Variants in WDR33 observed in about 807,000 individuals in gnomAD.
WDR33 encodes the protein WD repeat domain 33.
A neutral mutation model predicts 164.9 loss-of-function variants in WDR33; 47 were observed. The ratio of observed to expected loss-of-function variants is 0.29; its 90% CI spans 0.23 to 0.36. The LOEUF (loss-of-function observed/expected upper bound fraction) is 0.36. Ranked by LOEUF, WDR33 falls within the 10% of genes least tolerant of loss-of-function variation. WDR33 has a pLI of 1.00. For synonymous variants in WDR33, 505 were observed against 589.0 expected (o/e 0.86, Z 2.06); for missense variants, 1,137 against 1,754.1 (o/e 0.65, Z 6.28).
intron 7 of WDR33, among the ~76,000 whole-genome samples, chr2:127,753,080 C>T (rs1205026913): frequency 5.9e-5 from 9 of 152,164 alleles, no homozygotes; most frequent in Non-Finnish European, 1.2e-4. Flanking sequence ...GCATGTGCCA[C>T]CACGCCCAGC....
At chr2:127,809,892 C>T (rs1689585654) in intron 1 of WDR33, among the ~76,000 whole-genome samples, 1 of 151,634 alleles carries the variant, frequency 6.6e-6, no homozygotes, top group East Asian at 1.9e-4. Flanking sequence ...GTCAAGGAGA[C>T]AAAAAAAGCA....
intron 1 of WDR33, among the ~76,000 whole-genome samples, chr2:127,782,589 A>G (rs1688413172): frequency 1.3e-5 from 2 of 152,194 alleles, no homozygotes; most frequent in South Asian, 4.2e-4. Context: ...CATGGATTCA[A>G]CCGAGGAAGA....
rs779689098 is a variant in WDR33, at chr2:127,708,848, G to A, written c.3610C>T (p.Pro1204Ser). Residue 1204 changes from proline to serine, a missense_variant, in exon 21 of 22, where the codon CCC becomes TCC. Physicochemically the swap from Pro to Ser is moderately conservative, Grantham distance 74. This residue lies in a region of WDR33 where 867 missense variants were observed against 1,073.0 expected (regional missense o/e 0.81). Transcript: ENST00000322313. This position sits in a 1 kb window ranked among gnomAD's most constrained non-coding sequence, Gnocchi z 6.7. ...HFRDTPRPDH[P>S]PHDGHSPASR... ...GCTGGGGAATGACCGTCGTGAGGGG[G>A]ATGATCAGGGCGGGGAGTATCACGA... 14 of 1,609,658 alleles carry A rather than the reference G, an allele frequency of 8.7e-6. No homozygotes were observed. Among genetic ancestry groups the A allele is most frequent in the African/African-American group, 8.0e-5 (6 of 74,868 alleles).
chr2:127,722,738 C>G lies in WDR33; in HGVS notation c.1379-8G>C, dbSNP rs748303919. On this transcript the variant is annotated splice_polypyrimidine_tract_variant and splice_region_variant and intron_variant, in intron 13 of 21. Coordinates refer to ENST00000322313, the MANE Select transcript of WDR33 (RefSeq NM_018383.5). The surrounding 1 kb of genome is among the most constrained non-coding windows in gnomAD (Gnocchi z 5.1). The stretch of plus-strand genomic sequence containing the variant: ...CATTTGATTCATCTTTCCCTGTAAC[C>G]GTAAAGAAAAGTGGTTTGCCTCTTA... 1 of 1,612,318 alleles carries G rather than the reference C, an allele frequency of 6.2e-7. No individual in the cohort carries two copies. Among genetic ancestry groups the G allele is most frequent in the Admixed American group, 1.7e-5 (1 of 59,710 alleles).
Position 127,710,464 on chromosome 2 carries a change from A to G in WDR33, c.3309-608T>C, listed in dbSNP as rs10201741. On this transcript the variant is annotated intron_variant, in intron 18 of 21. Transcript: ENST00000322313. The surrounding 1 kb of genome is among the most constrained non-coding windows in gnomAD (Gnocchi z 4.4). ...AGCCTCCACCCAGGGGCAGGCCTCC[A>G]TGACCACGAGTGGCACTCATGGCCC... Among the ~76,000 whole-genome samples, 1,066 of 152,182 alleles carry G rather than the reference A, an allele frequency of 7.0e-3. 10 individuals carry two copies. Among genetic ancestry groups the G allele is most frequent in the African/African-American group, 0.024 (1,015 of 41,516 alleles).
At position 127,719,764 on chromosome 2, in the gene WDR33, TGAG is replaced by T. The variant is rs1448972213; in HGVS notation, c.2258_2260del (p.Pro753del). ...TGGTCCGCCTTGGATCCCATGAGGA[TGAG>T]GAGGCCCTTGCATTCCTCTGGGACC... is the stretch of plus-strand genomic sequence containing the variant. On this transcript the variant is annotated inframe_deletion, in exon 16 of 22. Transcript: ENST00000322313. This position sits in a 1 kb window ranked among gnomAD's most constrained non-coding sequence, Gnocchi z 6.5. 5 of 1,613,750 alleles carry T rather than the reference TGAG, an allele frequency of 3.1e-6. No individual in the cohort carries two copies. Among genetic ancestry groups the T allele is most frequent in the Non-Finnish European group, 4.2e-6 (5 of 1,179,992 alleles).
intron 1 of WDR33, among the ~76,000 whole-genome samples, chr2:127,805,661 C>T (rs537281661): frequency 2.0e-5 from 3 of 152,112 alleles, no homozygotes; most frequent in Non-Finnish European, 4.4e-5. Flanking sequence ...GCCCAAAAAG[C>T]AGGCCAAGAA....
At chr2:127,779,978 T>G (rs1688315040) in intron 1 of WDR33, among the ~76,000 whole-genome samples, 1 of 144,684 alleles carries the variant, frequency 6.9e-6, no homozygotes, top group Non-Finnish European at 1.5e-5. Context: ...TTTTTTGATT[T>G]TTTTTTTTTT....
At chr2:127,799,216 C>T (rs1372154097) in intron 1 of WDR33, among the ~76,000 whole-genome samples, 1 of 151,824 alleles carries the variant, frequency 6.6e-6, no homozygotes, top group Non-Finnish European at 1.5e-5. Context: ...TACCAATGCA[C>T]AATAAACAAA....
At position 127,763,245 on chromosome 2, in the gene WDR33, C is replaced by A. The variant is rs563368540; in HGVS notation, c.627-86G>T. On this transcript the variant is annotated intron_variant, in intron 6 of 21. Transcript: ENST00000322313. This position sits in a 1 kb window ranked among gnomAD's most constrained non-coding sequence, Gnocchi z 4.5. ...TCTCAGACAGGGAAAAATAAAAACA[C>A]TGTGCTGCATTATAAACAGGAGAGG... 15 of 1,600,768 alleles carry A rather than the reference C, an allele frequency of 9.4e-6. No homozygotes were observed. In the Admixed American group the frequency reaches 2.2e-4, roughly 24 times the overall value.
chr2:127,756,807 C>T (rs1687534061), intron 7 of WDR33, among the ~76,000 whole-genome samples: 2 of 152,120 alleles, frequency 1.3e-5, no homozygotes. Flanking sequence ...TTCGGCCAGG[C>T]ATGGTGGCTT....
Position 127,723,414 on chromosome 2 carries a change from A to G in WDR33, c.1197-67T>C, listed in dbSNP as rs545897235. 4.1e-6 allele frequency: 5 copies of G among 1,234,526 alleles called. No individual in the cohort carries two copies. In the South Asian group the frequency reaches 6.3e-5, roughly 15 times the overall value. The allele number at this position is 1,234,526 out of a possible 1,614,324, so 76.5% of individuals were successfully genotyped here. ...ATTTTTTTGGGCACTAAACAGTACT[A>G]GGCAGACCCTTGGTAAACACAACAC... On this transcript the variant is annotated intron_variant, in intron 11 of 21. Coordinates refer to ENST00000322313, the MANE Select transcript of WDR33 (RefSeq NM_018383.5). The surrounding 1 kb of genome is among the most constrained non-coding windows in gnomAD (Gnocchi z 5.9).
rs751180509 is a variant in WDR33, at chr2:127,719,658, G to A, written c.2367C>T (p.Gly789=). 1.3e-5 allele frequency: 21 copies of A among 1,613,524 alleles called. No homozygotes were observed. The highest frequency in any genetic ancestry group is 1.5e-5 in the Non-Finnish European group (18 of 1,179,912). Residue 789 remains glycine (G), a synonymous_variant, in exon 16 of 22, where the codon GGC becomes GGT. Transcript: ENST00000322313. This position sits in a 1 kb window ranked among gnomAD's most constrained non-coding sequence, Gnocchi z 6.5. ...LNPRGMQGPP[G]PRENQGPAPQ... is the part of the protein sequence containing the mutation. ...GAGCAGGACCCTGGTTCTCCCGGGG[G>A]CCTGGAGGCCCCTGCATTCCTCTTG...
intron 8 of WDR33, 53 bp from the exon 9 acceptor site, chr2:127,725,268 C>A: frequency 6.5e-7 from 1 of 1,532,528 alleles, no homozygotes; most frequent in Non-Finnish European, 8.7e-7. Flanking sequence ...AGTATAAATA[C>A]AATGGCCATT....
At chr2:127,765,716 A>G (rs949662731) in intron 4 of WDR33, among the ~76,000 whole-genome samples, 1 of 152,114 alleles carries the variant, frequency 6.6e-6, no homozygotes, top group Non-Finnish European at 1.5e-5. Context: ...CCAGTGTTTA[A>G]TTAAAAAAAC....
At position 127,720,566 on chromosome 2, in the gene WDR33, T is replaced by A. The variant is rs529395113; in HGVS notation, c.1672-213A>T. Among the ~76,000 whole-genome samples the A allele has an allele frequency of 4.6e-5, 7 of 152,230 alleles. No individual in the cohort carries two copies. Among genetic ancestry groups the A allele is most frequent in the Admixed American group, 2.0e-4 (3 of 15,288 alleles). On this transcript the variant is annotated intron_variant, in intron 15 of 21. Coordinates refer to ENST00000322313, the MANE Select transcript of WDR33 (RefSeq NM_018383.5). This position sits in a 1 kb window ranked among gnomAD's most constrained non-coding sequence, Gnocchi z 5.9. ...ATTCTTTTTAAGTCCTGGGACACAG[T>A]AGTAAGGATTTTTTTTTCCTTATTT... is the stretch of plus-strand genomic sequence containing the variant.
Position 127,724,844 on chromosome 2 carries a change from C to G in WDR33, c.1085+43G>C. The G allele has an allele frequency of 6.3e-7, 1 of 1,599,860 alleles. No homozygotes were observed. The highest frequency in any genetic ancestry group is 8.6e-7 in the Non-Finnish European group (1 of 1,167,088). On this transcript the variant is annotated intron_variant, in intron 10 of 21. Transcript: ENST00000322313. The surrounding 1 kb of genome is among the most constrained non-coding windows in gnomAD (Gnocchi z 4.8). ...TCATGTCTGCACACATTCACGTGCT[C>G]TCTTCACAAAATACACTACTTTTTC... is the stretch of plus-strand genomic sequence containing the variant.
chr2:127,722,505 T>A lies in WDR33; in HGVS notation c.1518+86A>T. The A allele has an allele frequency of 6.5e-7, 1 of 1,543,334 alleles. No homozygotes were observed. The highest frequency in any genetic ancestry group is 8.7e-7 in the Non-Finnish European group (1 of 1,145,872). ...AAAAATGCTCCAGTACAGAAACACCTTCAACAGTGAGATAATCCAAGAGAA... is the reference window on the plus strand; with the variant it reads ...AAAAATGCTCCAGTACAGAAACACCATCAACAGTGAGATAATCCAAGAGAA... On this transcript the variant is annotated intron_variant, in intron 14 of 21. Coordinates refer to ENST00000322313, the MANE Select transcript of WDR33 (RefSeq NM_018383.5). This position sits in a 1 kb window ranked among gnomAD's most constrained non-coding sequence, Gnocchi z 5.1.
chr2:127,770,904 A>G lies in WDR33; in HGVS notation c.78T>C (p.Phe26=), dbSNP rs1320960213. Residue 26 remains phenylalanine (F), a synonymous_variant, in exon 2 of 22, where the codon TTT becomes TTC. Coordinates refer to ENST00000322313, the MANE Select transcript of WDR33 (RefSeq NM_018383.5). This position sits in a 1 kb window ranked among gnomAD's most constrained non-coding sequence, Gnocchi z 4.9. Reference sequence around the variant, plus strand: ...GTTGTGCAAAATCAGGTCGCTTATAAAACAGCTGTCGAGGTGCCTGGTGCT... The same window carrying G: ...GTTGTGCAAAATCAGGTCGCTTATAGAACAGCTGTCGAGGTGCCTGGTGCT... ...RFQHQAPRQL[F]YKRPDFAQQQ... 2.5e-6 allele frequency: 4 copies of G among 1,614,134 alleles called. No homozygotes were observed. The highest frequency in any genetic ancestry group is 1.7e-5 in the Admixed American group (1 of 60,006).
Sources: gnomAD v4.1 joint callset for allele counts (sites outside exome capture counted in the v4.1 genomes callset) on GRCh38, gnomAD v4.1.1 for gene constraint, gnomAD v4.1.1 regional missense constraint, Gnocchi (gnomAD v3.1) non-coding constraint, MANE v1.5 for transcripts, NCBI Gene and HGNC (gene_info 2026-07-23, HGNC 2026-07-21) for gene names.